CLDN10: variants seen among roughly 807,000 people sequenced by gnomAD.
The protein encoded by CLDN10 is claudin 10.
A neutral mutation model predicts 22.9 loss-of-function variants in CLDN10; 15 were observed. The observed-to-expected ratio is 0.65, with a 90% CI of 0.44 to 1.01. The LOEUF is 1.01. Among genes scored for constraint, CLDN10 ranks in the 50% least tolerant of loss-of-function variants. The pLI, the probability that CLDN10 is intolerant of heterozygous loss-of-function variation, is 0.00. For synonymous variants in CLDN10, 114 were observed against 111.4 expected (o/e 1.02, Z -0.15); for missense variants, 247 against 287.8 (o/e 0.86, Z 1.03).
At chr13:95,458,963 C>G (rs1369927172) in intron 1 of CLDN10, among the ~76,000 whole-genome samples, 3 of 152,122 alleles carry the variant, frequency 2.0e-5, no homozygotes, top group Admixed American at 1.3e-4. Flanking sequence ...GTAAATACAC[C>G]TGTTACAAAT....
chr13:95,438,921 G>T (rs1453770605), intron 1 of CLDN10, among the ~76,000 whole-genome samples: 1 of 140,186 alleles, frequency 7.1e-6, no homozygotes, highest in Non-Finnish European at 1.5e-5. Context: ...AGAGGTTGCA[G>T]TGAGCCAAGA....
At chr13:95,558,928 AAAAAG>A (rs1388256277) in intron 1 of CLDN10, among the ~76,000 whole-genome samples, 1 of 151,814 alleles carries the variant, frequency 6.6e-6, no homozygotes, top group Non-Finnish European at 1.5e-5. Context: ...CCTGTGTTAA[AAAAAG>A]AAAAGAAAAA....
intron 1 of CLDN10, among the ~76,000 whole-genome samples, chr13:95,542,353 AAC>A (rs2043468116): frequency 1.3e-5 from 2 of 152,204 alleles, no homozygotes; most frequent in African/African-American, 4.8e-5. Flanking sequence ...ACAGCATTTA[AAC>A]ACCATTATTT....
At chr13:95,451,535 A>G (rs1208286010) in intron 1 of CLDN10, among the ~76,000 whole-genome samples, 1 of 152,188 alleles carries the variant, frequency 6.6e-6, no homozygotes, top group African/African-American at 2.4e-5. Flanking sequence ...GGCTCAAGCT[A>G]TCCTCCTGCC....
chr13:95,470,101 C>G (rs1444256115), intron 1 of CLDN10, among the ~76,000 whole-genome samples: 7 of 152,106 alleles, frequency 4.6e-5, no homozygotes, highest in Non-Finnish European at 1.0e-4. Flanking sequence ...AACTAGAACC[C>G]TGCAAATATG....
intron 1 of CLDN10, among the ~76,000 whole-genome samples, chr13:95,506,344 A>G (rs1301898023): frequency 6.6e-6 from 1 of 152,226 alleles, no homozygotes; most frequent in African/African-American, 2.4e-5. Flanking sequence ...TCTTAAGGAC[A>G]GTCAGGCAGA....
chr13:95,503,833 G>A (rs2043010323), intron 1 of CLDN10, among the ~76,000 whole-genome samples: 2 of 152,178 alleles, frequency 1.3e-5, no homozygotes, highest in South Asian at 4.1e-4. Flanking sequence ...AGGGAGAAGG[G>A]GGAGGGAGAA....
chr13:95,451,103 G>A (rs898614953), intron 1 of CLDN10, among the ~76,000 whole-genome samples: 2 of 152,218 alleles, frequency 1.3e-5, no homozygotes, highest in African/African-American at 2.4e-5. Context: ...GGATGCAAAT[G>A]TGAGACTGTA....
intron 1 of CLDN10, among the ~76,000 whole-genome samples, chr13:95,460,830 T>G (rs1456966643): frequency 1.3e-5 from 2 of 152,100 alleles, no homozygotes; most frequent in Non-Finnish European, 2.9e-5. Context: ...AATTTTTAGC[T>G]GGGTGCGGTG....
chr13:95,510,893 T>C (rs530934719), intron 1 of CLDN10, among the ~76,000 whole-genome samples: 62 of 152,284 alleles, frequency 4.1e-4, no homozygotes, highest in African/African-American at 1.4e-3. Context: ...ACTACCTTGC[T>C]ATGTGAGACA....
At chr13:95,451,046 A>G (rs1233543811) in intron 1 of CLDN10, among the ~76,000 whole-genome samples, 1 of 152,216 alleles carries the variant, frequency 6.6e-6, no homozygotes, top group African/African-American at 2.4e-5. Flanking sequence ...AGCTTGGAGA[A>G]GGGCCATAAC....
intron 1 of CLDN10, among the ~76,000 whole-genome samples, chr13:95,512,141 T>TTG (rs1234938515): frequency 9.7e-5 from 12 of 124,190 alleles, no homozygotes; most frequent in African/African-American, 3.7e-4. Context: ...GGTTTTTGTT[T>TTG]GTTTGTGTTC....
chr13:95,516,205 T>TACTGG (rs2043166269), intron 1 of CLDN10, among the ~76,000 whole-genome samples: 1 of 152,148 alleles, frequency 6.6e-6, no homozygotes, highest in Non-Finnish European at 1.5e-5. Flanking sequence ...TCCAGCTTCA[T>TACTGG]AGTAATAGAA....
At chr13:95,565,990 G>A (rs1393090795) in intron 3 of CLDN10, among the ~76,000 whole-genome samples, 2 of 152,174 alleles carry the variant, frequency 1.3e-5, no homozygotes, top group Non-Finnish European at 2.9e-5. Flanking sequence ...ATTCCATGGT[G>A]TATATGTGCC....
chr13:95,555,971 G>A lies in CLDN10; in HGVS notation c.220+2998G>A, dbSNP rs191024922. ...GAGAATCCAGGAAGGGAGAGAGAAG[G>A]CTCGTGACTCTTGCCTATCTTGTGT... On this transcript the variant is annotated intron_variant, in intron 1 of 4. Transcript: ENST00000299339. Among the ~76,000 whole-genome samples the A allele has an allele frequency of 8.5e-5, 13 of 152,272 alleles. No homozygotes were observed. In the East Asian group the frequency reaches 2.3e-3, roughly 27 times the overall value.
intron 1 of CLDN10, among the ~76,000 whole-genome samples, chr13:95,484,595 C>A (rs543069634): frequency 6.6e-6 from 1 of 151,488 alleles, no homozygotes; most frequent in African/African-American, 2.4e-5. Flanking sequence ...GTAATCCCAG[C>A]ACATTGGGAG....
At chr13:95,517,300 G>A (rs1286371688) in intron 1 of CLDN10, among the ~76,000 whole-genome samples, 1 of 152,140 alleles carries the variant, frequency 6.6e-6, no homozygotes, top group Non-Finnish European at 1.5e-5. Context: ...ATAAGTCGGG[G>A]CAGCCATTGC....
chr13:95,488,950 CTTTTTTTTTTT>C (rs58919737), intron 1 of CLDN10, among the ~76,000 whole-genome samples: 41 of 110,718 alleles, frequency 3.7e-4, no homozygotes, highest in African/African-American at 1.2e-3. Flanking sequence ...ACTTTTTGTT[CTTTTTTTTTTT>C]TTTTTTTTTG....
intron 1 of CLDN10, among the ~76,000 whole-genome samples, chr13:95,439,629 C>T (rs960913122): frequency 6.6e-6 from 1 of 151,334 alleles, no homozygotes; most frequent in African/African-American, 2.4e-5. Context: ...CCACCATGCC[C>T]AGCCTCTGGG....
Sources: allele counts gnomAD v4.1 joint callset (sites outside exome capture counted in the v4.1 genomes callset), GRCh38; gene constraint gnomAD v4.1.1; transcripts MANE v1.5; gene names NCBI Gene and HGNC (gene_info 2026-07-23, HGNC 2026-07-21).